Variants in ABCA12 observed in about 807,000 individuals in gnomAD.
ABCA12 encodes the protein glucosylceramide transporter ABCA12.
ABCA12 carries 156 observed loss-of-function variants against 293.5 expected under a neutral mutation model. The ratio of observed to expected loss-of-function variants is 0.53; its 90% CI spans 0.47 to 0.61. The LOEUF is 0.61. Ranked by LOEUF, ABCA12 falls within the 20% of genes least tolerant of loss-of-function variation. ABCA12 has a pLI of 0.00. For synonymous variants in ABCA12, 1,063 were observed against 1,108.0 expected (o/e 0.96, Z 0.81); for missense variants, 2,797 against 3,090.2 (o/e 0.91, Z 2.25).
Position 215,111,620 on chromosome 2 carries a change from A to C in ABCA12, c.140T>G (p.Phe47Cys), listed in dbSNP as rs144977222. The change falls in exon 2 of 53, where the codon TTT becomes TGT. Residue 47 changes from phenylalanine (F) to cysteine (C), a missense_variant. Physicochemically the swap from Phe to Cys is radical, Grantham distance 205 (BLOSUM62 -2). Coordinates refer to ENST00000272895, the MANE Select transcript of ABCA12 (RefSeq NM_173076.3). ...FIILAITRTKFPPTAKPTCYL... is the reference protein window; with the variant it reads ...FIILAITRTKCPPTAKPTCYL... ...ACAAGTTGGTTTTGCAGTTGGAGGA[A>C]ATTTGGTCCGAGTAATAGCCAAAAT... is the stretch of plus-strand genomic sequence containing the variant. The C allele has an allele frequency of 6.2e-7, 1 of 1,613,154 alleles. No individual in the cohort carries two copies. Among genetic ancestry groups the C allele is most frequent in the Non-Finnish European group, 8.5e-7 (1 of 1,179,382 alleles).
chr2:215,072,864 AG>A (rs1305788739), intron 2 of ABCA12, among the ~76,000 whole-genome samples: 1 of 152,212 alleles, frequency 6.6e-6, no homozygotes, highest in East Asian at 1.9e-4. Flanking sequence ...TGGGAGACCA[AG>A]GTGGGCGGAT....
chr2:215,047,415 G>C (rs1013874133), intron 6 of ABCA12, among the ~76,000 whole-genome samples: 1 of 152,082 alleles, frequency 6.6e-6, no homozygotes, highest in Non-Finnish European at 1.5e-5. Context: ...AAACAGCATG[G>C]TACTGGTACA....
At chr2:214,973,892 C>G in intron 36 of ABCA12, 57 bp downstream of exon 36, 18 of 1,431,420 alleles carry the variant, frequency 1.3e-5, no homozygotes, top group Non-Finnish European at 1.8e-5. Flanking sequence ...ATCTTTCGAG[C>G]TTTCGATATT....
intron 4 of ABCA12, among the ~76,000 whole-genome samples, chr2:215,053,712 T>A (rs1013804715): frequency 2.0e-5 from 3 of 152,034 alleles, no homozygotes; most frequent in African/African-American, 2.4e-5. Flanking sequence ...CATGGCCTTT[T>A]AAAGAAACTC....
At chr2:215,040,785 C>T (rs574456277) in intron 7 of ABCA12, among the ~76,000 whole-genome samples, 1 of 152,182 alleles carries the variant, frequency 6.6e-6, no homozygotes, top group African/African-American at 2.4e-5. Context: ...GCACTCCAGA[C>T]TGGGCCACAG....
intron 2 of ABCA12, among the ~76,000 whole-genome samples, chr2:215,069,979 C>A (rs1701705705): frequency 1.3e-5 from 2 of 152,152 alleles, no homozygotes; most frequent in Admixed American, 6.6e-5. Context: ...GTAGGAACCC[C>A]TGGGGGAGTC....
chr2:215,034,858 T>A (rs1378155789), intron 8 of ABCA12, among the ~76,000 whole-genome samples: 1 of 151,998 alleles, frequency 6.6e-6, no homozygotes, highest in East Asian at 1.9e-4. Context: ...CTTGAAAGAG[T>A]GGTATGAAGC....
Position 215,026,839 on chromosome 2 carries a change from A to C in ABCA12, c.1161T>G (p.Ser387Arg). 6.2e-7 allele frequency: 1 copy of C among 1,610,884 alleles called. No homozygotes were observed. The highest frequency in any genetic ancestry group is 8.5e-7 in the Non-Finnish European group (1 of 1,177,074). The change falls in exon 10 of 53, where the codon AGT becomes AGG. Residue 387 changes from serine to arginine, a missense_variant. By Grantham distance (110) the Ser-to-Arg change is moderately radical. This residue lies in a region of ABCA12 where 656 missense variants were observed against 638.2 expected (regional missense o/e 1.03). Transcript: ENST00000272895. ...YLACVRNVTD[S>R]LARGSPENLR... Reference sequence around the variant, plus strand: ...TATTACCTGGTGAACCTCTGGCCAAACTGTCAGTCACATTTCTCACACATG... The same window carrying C: ...TATTACCTGGTGAACCTCTGGCCAACCTGTCAGTCACATTTCTCACACATG...
At position 214,987,509 on chromosome 2, in the gene ABCA12, C is replaced by T. The variant is rs149880066; in HGVS notation, c.3976+138G>A. 1,636 of 1,129,140 alleles carry T rather than the reference C, an allele frequency of 1.4e-3. 14 individuals are homozygous for T. The African/African-American group carries it at 0.021, about 14-fold the overall frequency. 69.9% of individuals were successfully genotyped at this position (1,129,140 alleles called of 1,614,324 possible). On this transcript the variant is annotated intron_variant, in intron 27 of 52. Coordinates refer to ENST00000272895, the MANE Select transcript of ABCA12 (RefSeq NM_173076.3). The stretch of plus-strand genomic sequence containing the variant: ...TTTAATCCCCATAAGAGTCCAAAGA[C>T]GCATGTGTAGACATTTTCATCCATG...
intron 8 of ABCA12, among the ~76,000 whole-genome samples, chr2:215,033,633 T>C (rs1700925874): frequency 6.6e-6 from 1 of 152,168 alleles, no homozygotes; most frequent in Admixed American, 6.5e-5. Context: ...ATTTGTAAGA[T>C]TAGGCATACT....
chr2:215,051,331 T>C (rs1457142105), intron 5 of ABCA12, among the ~76,000 whole-genome samples: 1 of 152,104 alleles, frequency 6.6e-6, no homozygotes, highest in East Asian at 1.9e-4. Context: ...ATTGGACAGA[T>C]TGAAAGGTCC....
intron 26 of ABCA12, among the ~76,000 whole-genome samples, chr2:214,989,015 T>C (rs1185227856): frequency 6.7e-6 from 1 of 149,652 alleles, no homozygotes; most frequent in African/African-American, 2.4e-5. Flanking sequence ...CCCGGCTCTA[T>C]TAAAAATACA....
intron 31 of ABCA12, among the ~76,000 whole-genome samples, chr2:214,979,981 C>T (rs1381495328): frequency 6.6e-6 from 1 of 152,132 alleles, no homozygotes. Flanking sequence ...GCACCGTTGA[C>T]CTGTGCAAAT....
At chr2:215,087,516 G>C (rs1052486777) in intron 2 of ABCA12, among the ~76,000 whole-genome samples, 1 of 136,188 alleles carries the variant, frequency 7.3e-6, no homozygotes, top group African/African-American at 2.6e-5. Flanking sequence ...GTGCATGTGT[G>C]TGTGTGTTTT....
intron 2 of ABCA12, among the ~76,000 whole-genome samples, chr2:215,089,975 C>G (rs1449655526): frequency 6.6e-6 from 1 of 152,074 alleles, no homozygotes; most frequent in East Asian, 1.9e-4. Flanking sequence ...CTGTATATAT[C>G]CAGATGGCCT....
chr2:215,080,362 G>A (rs1366437778), intron 2 of ABCA12, among the ~76,000 whole-genome samples: 3 of 152,094 alleles, frequency 2.0e-5, no homozygotes, highest in Admixed American at 6.6e-5. Flanking sequence ...AGCCGGACGT[G>A]GTAGTGCGTG....
At chr2:215,030,176 T>C (rs1184470334) in intron 9 of ABCA12, 1 of 152,230 alleles carries the variant, frequency 6.6e-6, no homozygotes, top group African/African-American at 2.4e-5. Flanking sequence ...ACATTATCAA[T>C]GCTATGGATG....
In ABCA12 at chr2:214,980,667, C is replaced by T. The variant is rs182666310; in HGVS notation, c.4580-24G>A. ...GGCTTGAAAATACAGACAAGAACAACAGGGAATGAAACGTGAAAGTACAGT... is the reference window on the plus strand; with the variant it reads ...GGCTTGAAAATACAGACAAGAACAATAGGGAATGAAACGTGAAAGTACAGT... On this transcript the variant is annotated intron_variant, in intron 30 of 52. Transcript: ENST00000272895. 9.5e-5 allele frequency: 154 copies of T among 1,613,910 alleles called. 1 individual carries two copies. The East Asian group carries it at 3.3e-3, about 35-fold the overall frequency.
Position 215,138,457 on chromosome 2 carries a change from T to C in ABCA12, c.-249A>G. On this transcript the variant is annotated 5_prime_UTR_variant, in exon 1 of 53. Coordinates refer to ENST00000272895, the MANE Select transcript of ABCA12 (RefSeq NM_173076.3). ...CAAAAGAAGGACCCAGATCAGTATC[T>C]TTGGGTGGCTTATGCTTATTTTAAA... The C allele has an allele frequency of 1.9e-6, 1 of 540,404 alleles. No individual in the cohort carries two copies. 33.5% of individuals were successfully genotyped at this position (540,404 alleles called of 1,614,324 possible).
Sources: gnomAD v4.1 joint callset for allele counts (sites outside exome capture counted in the v4.1 genomes callset) on GRCh38, gnomAD v4.1.1 for gene constraint, gnomAD v4.1.1 regional missense constraint, MANE v1.5 for transcripts, NCBI Gene and HGNC (gene_info 2026-07-23, HGNC 2026-07-21) for gene names.